MAST2: variants seen among roughly 807,000 people sequenced by gnomAD.
The protein encoded by MAST2 is microtubule-associated serine/threonine-protein kinase 2.
MAST2 carries 70 observed loss-of-function variants against 147.4 expected under a neutral mutation model. The observed-to-expected ratio is 0.47, with a 90% CI of 0.39 to 0.58. The LOEUF (loss-of-function observed/expected upper bound fraction) is 0.58, where lower values mean the gene tolerates loss of function less well. Ranked by LOEUF, MAST2 falls within the 20% of genes least tolerant of loss-of-function variation. The pLI is 0.00. For missense variants in MAST2, 2,080 were observed against 2,302.3 expected (o/e 0.90, Z 1.98); for synonymous variants, 869 against 896.8 (o/e 0.97, Z 0.55).
intron 3 of MAST2, among the ~76,000 whole-genome samples, chr1:45,874,903 G>T (rs1162491141): frequency 6.6e-6 from 1 of 152,216 alleles, no homozygotes; most frequent in African/African-American, 2.4e-5. Context: ...CGAAGTTTAA[G>T]CTGAAGTCCA....
chr1:46,001,808 C>G (rs901378021), intron 6 of MAST2, among the ~76,000 whole-genome samples: 4 of 152,138 alleles, frequency 2.6e-5, no homozygotes, highest in Admixed American at 1.3e-4. Flanking sequence ...CCTGTCCCTG[C>G]CATAACCATG....
At chr1:45,926,138 C>G (rs1333170651) in intron 4 of MAST2, among the ~76,000 whole-genome samples, 1 of 152,162 alleles carries the variant, frequency 6.6e-6, no homozygotes, top group South Asian at 2.1e-4. Context: ...TATCCTGGCC[C>G]TGCTGCATAG....
chr1:46,021,758 T>C (rs1646192005), intron 11 of MAST2, among the ~76,000 whole-genome samples, 192 bp from the exon 12 acceptor site: 1 of 152,174 alleles, frequency 6.6e-6, no homozygotes, highest in Non-Finnish European at 1.5e-5. Context: ...AATCTGGAGG[T>C]GACCTGTAAG....
rs368730969 is a variant in MAST2 at position 45,916,806 on chromosome 1, G to T, written c.500+34411G>T. Among the ~76,000 whole-genome samples, 7 of 152,144 alleles carry T rather than the reference G, an allele frequency of 4.6e-5. No individual in the cohort carries two copies. The East Asian group carries it at 5.8e-4, about 13-fold the overall frequency. The stretch of plus-strand genomic sequence containing the variant: ...ATTCTAAATACTTCAGGCTGGGCAC[G>T]GTGGCTTACATCTGTAATCCCAGCA... On this transcript the variant is annotated intron_variant, in intron 4 of 28. Coordinates refer to ENST00000361297, the MANE Select transcript of MAST2 (RefSeq NM_015112.3).
intron 5 of MAST2, among the ~76,000 whole-genome samples, chr1:45,961,089 G>A (rs1280076633): frequency 6.6e-6 from 1 of 152,084 alleles, no homozygotes; most frequent in Non-Finnish European, 1.5e-5. Flanking sequence ...GCCTTTTAGT[G>A]TGATGATGGC....
intron 3 of MAST2, among the ~76,000 whole-genome samples, chr1:45,841,438 T>C (rs1483164679): frequency 6.6e-6 from 1 of 151,908 alleles, no homozygotes; most frequent in Non-Finnish European, 1.5e-5. Context: ...AAGAAATATA[T>C]ACATATATAT....
chr1:45,840,666 A>T (rs1645245603), intron 3 of MAST2, among the ~76,000 whole-genome samples: 1 of 152,242 alleles, frequency 6.6e-6, no homozygotes, highest in South Asian at 2.1e-4. Context: ...CTCCCTACAT[A>T]GTGAACTATA....
In MAST2 at chr1:46,028,796, C is replaced by G; in HGVS notation, c.2081C>G (p.Pro694Arg). The G allele has an allele frequency of 6.2e-7, 1 of 1,614,162 alleles. No homozygotes were observed. Among genetic ancestry groups the G allele is most frequent in the Non-Finnish European group, 8.5e-7 (1 of 1,180,026 alleles). Residue 694 changes from proline to arginine, a missense_variant, in exon 18 of 29, where the codon CCT (proline) becomes CGT (arginine). Pro to Arg is a moderately radical substitution (Grantham distance 103). Around this residue, in one of 4 missense-constraint regions of MAST2, gnomAD observed 209 missense variants for 309.5 expected, o/e 0.68. Transcript: ENST00000361297. ...QVCGTPEYIA[P>R]EVILRQGYGK... ...TGCGGGACCCCAGAATACATTGCGC[C>G]TGAGGTGATCCTGCGCCAGGGCTAT...
intron 3 of MAST2, among the ~76,000 whole-genome samples, chr1:45,841,751 G>A (rs1645284168): frequency 6.6e-6 from 1 of 152,154 alleles, no homozygotes; most frequent in East Asian, 1.9e-4. Context: ...GCTTCATTCA[G>A]CAAAAAGGAC....
At chr1:45,939,865 C>T (rs1436215953) in intron 4 of MAST2, among the ~76,000 whole-genome samples, 1 of 151,914 alleles carries the variant, frequency 6.6e-6, no homozygotes, top group Non-Finnish European at 1.5e-5. Flanking sequence ...TACAAAAGAC[C>T]TTGCTGGCAT....
chr1:45,909,159 C>T (rs1053364771), intron 4 of MAST2, among the ~76,000 whole-genome samples: 1 of 151,956 alleles, frequency 6.6e-6, no homozygotes, highest in African/African-American at 2.4e-5. Context: ...TTAGGTAACT[C>T]GACAGTATGT....
chr1:45,955,149 G>A (rs557399103), intron 4 of MAST2, among the ~76,000 whole-genome samples: 1 of 152,224 alleles, frequency 6.6e-6, no homozygotes, highest in African/African-American at 2.4e-5. Flanking sequence ...TTTAATTTCT[G>A]ATGAGAAGAG....
In MAST2 at chr1:45,833,265, A is replaced by G. The variant is rs78715130; in HGVS notation, c.468+3684A>G. 7.6e-3 allele frequency among the ~76,000 whole-genome samples: 1,155 copies of G among 152,238 alleles called. 16 individuals are homozygous for G. The highest frequency in any genetic ancestry group is 0.027 in the African/African-American group (1,101 of 41,536). On this transcript the variant is annotated intron_variant, in intron 3 of 28. Transcript: ENST00000361297. ...ATCTGAGGGCTTATTTTTCCCATATATGTAGAAATCATGATCCTAATTAGT... is the reference window on the plus strand; with the variant it reads ...ATCTGAGGGCTTATTTTTCCCATATGTGTAGAAATCATGATCCTAATTAGT...
At chr1:45,860,315 CAG>C (rs1329440375) in intron 3 of MAST2, among the ~76,000 whole-genome samples, 4 of 125,830 alleles carry the variant, frequency 3.2e-5, no homozygotes, top group African/African-American at 1.3e-4. Context: ...ACCTGGGAGA[CAG>C]AGGTTGGAGT....
intron 5 of MAST2, among the ~76,000 whole-genome samples, chr1:45,992,433 G>T (rs902733330): frequency 8.6e-5 from 13 of 152,040 alleles, no homozygotes; most frequent in African/African-American, 3.1e-4. Context: ...TGTTGGATTT[G>T]ATATTTCTAA....
intron 4 of MAST2, among the ~76,000 whole-genome samples, chr1:45,949,197 C>T (rs571512468): frequency 5.3e-5 from 8 of 152,038 alleles, no homozygotes; most frequent in African/African-American, 1.7e-4. Flanking sequence ...ACACCAAAAG[C>T]GATTGCAACA....
intron 5 of MAST2, among the ~76,000 whole-genome samples, chr1:45,997,326 CT>C (rs1645097012): frequency 6.6e-6 from 1 of 152,160 alleles, no homozygotes; most frequent in South Asian, 2.1e-4. Context: ...ATGCAAGAAA[CT>C]TTTGGATTAG....
chr1:45,863,520 C>T (rs1226569368), intron 3 of MAST2, among the ~76,000 whole-genome samples: 2 of 152,192 alleles, frequency 1.3e-5, no homozygotes, highest in Non-Finnish European at 2.9e-5. Flanking sequence ...ATGAAAGGGA[C>T]ATGGATCCTG....
intron 4 of MAST2, among the ~76,000 whole-genome samples, chr1:45,888,554 G>A (rs903407313): frequency 6.6e-6 from 1 of 151,362 alleles, no homozygotes; most frequent in African/African-American, 2.4e-5. Context: ...AGTAGAGACC[G>A]GGTATCACTC....
Sources: allele counts gnomAD v4.1 joint callset (sites outside exome capture counted in the v4.1 genomes callset), GRCh38; gene constraint gnomAD v4.1.1; regional missense constraint gnomAD v4.1.1; transcripts MANE v1.5; gene names NCBI Gene and HGNC (gene_info 2026-07-23, HGNC 2026-07-21).